SUGCT: variants seen among roughly 807,000 people sequenced by gnomAD.
SUGCT encodes succinyl-CoA:glutarate CoA-transferase.
SUGCT carries 41 observed loss-of-function variants against 55.0 expected under a neutral mutation model. That is an observed-to-expected ratio of 0.74 (90% CI 0.58 to 0.97). The LOEUF (loss-of-function observed/expected upper bound fraction) is 0.97. SUGCT is among the 50% of genes least tolerant of loss of function. The pLI, the probability that SUGCT is intolerant of heterozygous loss-of-function variation, is 0.00. For missense variants in SUGCT, 568 were observed against 547.8 expected, an observed-to-expected ratio of 1.04 and a Z score of -0.37; for synonymous variants, 187 against 200.4, an observed-to-expected ratio of 0.93 and a Z score of 0.56.
intron 12 of SUGCT, among the ~76,000 whole-genome samples, chr7:40,508,031 C>A (rs73122151): frequency 3.3e-5 from 5 of 152,336 alleles, no homozygotes; most frequent in Non-Finnish European, 7.3e-5. Context: ...CTCTCTTCCA[C>A]GTAAGGATAG....
intron 9 of SUGCT, among the ~76,000 whole-genome samples, chr7:40,320,229 C>T (rs1249897849): frequency 6.6e-6 from 1 of 150,492 alleles, no homozygotes; most frequent in Non-Finnish European, 1.5e-5. Context: ...GCCTCAGCCT[C>T]CTGAGTAGCT....
the SUGCT span, among the ~76,000 whole-genome samples, chr7:41,025,259 G>T: frequency 3.9e-5 from 6 of 152,124 alleles, no homozygotes; most frequent in African/African-American, 1.4e-4. Context: ...AAGAAATATG[G>T]CAATATGCCA....
intron 13 of SUGCT, among the ~76,000 whole-genome samples, chr7:40,844,417 A>C (rs1470290953): frequency 6.6e-6 from 1 of 151,962 alleles, no homozygotes; most frequent in African/African-American, 2.4e-5. Context: ...TGGAAGGGGG[A>C]CAGAGTGGGA....
At chr7:40,304,048 C>CAAAAA (rs529987357) in intron 8 of SUGCT, among the ~76,000 whole-genome samples, 1 of 61,564 alleles carries the variant, frequency 1.6e-5, no homozygotes, top group Non-Finnish European at 3.7e-5. Flanking sequence ...GACTCCATCT[C>CAAAAA]AAAAAAAAAA....
chr7:40,366,504 C>T (rs867829672), intron 9 of SUGCT, among the ~76,000 whole-genome samples: 16 of 152,222 alleles, frequency 1.1e-4, no homozygotes, highest in East Asian at 3.9e-4. Flanking sequence ...AAAATTTTCT[C>T]AACCTACTCA....
At chr7:40,841,447 A>T (rs1793277997) in intron 13 of SUGCT, among the ~76,000 whole-genome samples, 1 of 152,194 alleles carries the variant, frequency 6.6e-6, no homozygotes, top group South Asian at 2.1e-4. Context: ...TGTTAAAGAC[A>T]TTCCTAAACA....
chr7:40,553,388 A>C (rs1239853289), intron 12 of SUGCT, among the ~76,000 whole-genome samples: 1 of 152,212 alleles, frequency 6.6e-6, no homozygotes, highest in Non-Finnish European at 1.5e-5. Context: ...GAGTTGTATC[A>C]TACAGAATAG....
the SUGCT span, among the ~76,000 whole-genome samples, chr7:40,898,720 C>G: frequency 2.3e-4 from 35 of 151,950 alleles, no homozygotes; most frequent in African/African-American, 7.7e-4. Context: ...TGAACACTTA[C>G]CACGAGGGTA....
intron 11 of SUGCT, among the ~76,000 whole-genome samples, chr7:40,491,992 A>AAAATAAATAAATAAAT (rs10669502): frequency 0.011 from 1,710 of 150,102 alleles, 34 homozygotes; most frequent in African/African-American, 0.04. Context: ...TCTGTTTCCA[A>AAAATAAATAAATAAAT]AAATAAATAA....
At chr7:40,584,487 A>G (rs1044824640) in intron 12 of SUGCT, among the ~76,000 whole-genome samples, 1 of 152,210 alleles carries the variant, frequency 6.6e-6, no homozygotes, top group Non-Finnish European at 1.5e-5. Flanking sequence ...AGGCTAAGTG[A>G]ACTCCAAGGA....
intron 9 of SUGCT, among the ~76,000 whole-genome samples, chr7:40,348,696 G>A (rs1253191391): frequency 1.3e-5 from 2 of 151,806 alleles, no homozygotes; most frequent in Non-Finnish European, 2.9e-5. Flanking sequence ...TGTTATTTTT[G>A]CTCCTTTTCT....
intron 9 of SUGCT, among the ~76,000 whole-genome samples, chr7:40,338,309 G>C (rs1796833292): frequency 6.6e-6 from 1 of 152,070 alleles, no homozygotes; most frequent in Admixed American, 6.6e-5. Flanking sequence ...TGCTAGGTTG[G>C]GGAAATTCTC....
chr7:40,763,341 A>G (rs1469646302), intron 13 of SUGCT, among the ~76,000 whole-genome samples: 1 of 152,172 alleles, frequency 6.6e-6, no homozygotes, highest in African/African-American at 2.4e-5. Flanking sequence ...TGAGCCTCAG[A>G]TAAATTAAAT....
At chr7:40,613,030 G>T (rs989424909) in intron 12 of SUGCT, among the ~76,000 whole-genome samples, 2 of 152,122 alleles carry the variant, frequency 1.3e-5, no homozygotes, top group African/African-American at 2.4e-5. Flanking sequence ...TTACTAGGGA[G>T]ACTGAGGCAG....
chr7:40,786,090 C>A (rs984209496), intron 13 of SUGCT, among the ~76,000 whole-genome samples: 42 of 152,034 alleles, frequency 2.8e-4, no homozygotes, highest in African/African-American at 9.9e-4. Flanking sequence ...CCGAAGGAGA[C>A]CCTATCTCCA....
At chr7:40,714,293 G>A (rs746662989) in intron 12 of SUGCT, among the ~76,000 whole-genome samples, 16 of 151,982 alleles carry the variant, frequency 1.1e-4, no homozygotes, top group South Asian at 6.2e-4. Flanking sequence ...GTGCCTCTGC[G>A]TTCTAGCCTG....
chr7:40,374,288 T>A (rs953732723), intron 9 of SUGCT, among the ~76,000 whole-genome samples: 1 of 152,166 alleles, frequency 6.6e-6, no homozygotes, highest in Admixed American at 6.6e-5. Context: ...GTGCTTTCTG[T>A]TTTGATCTTC....
At chr7:40,440,987 G>A (rs1019533725) in intron 9 of SUGCT, among the ~76,000 whole-genome samples, 1 of 151,754 alleles carries the variant, frequency 6.6e-6, no homozygotes, top group Non-Finnish European at 1.5e-5. Flanking sequence ...ACTGGGTTTT[G>A]TACTTTTCTT....
chr7:40,772,578 G>GCTAT (rs70990645), intron 13 of SUGCT, among the ~76,000 whole-genome samples: 25,135 of 103,982 alleles, frequency 0.24, 3,438 homozygotes, highest in African/African-American at 0.28. Context: ...TTATCTATCT[G>GCTAT]CTATCTATCT....
Sources: gnomAD v4.1 joint callset for allele counts (sites outside exome capture counted in the v4.1 genomes callset) on GRCh38, gnomAD v4.1.1 for gene constraint, MANE v1.5 for transcripts, NCBI Gene and HGNC (gene_info 2026-07-23, HGNC 2026-07-21) for gene names.